GPC5: variants seen among roughly 807,000 people sequenced by gnomAD.
The protein encoded by GPC5 is glypican 5, also known as glypican-5.
GPC5 carries 47 observed loss-of-function variants against 53.9 expected under a neutral mutation model. That is an observed-to-expected ratio of 0.87 (90% CI 0.69 to 1.11). GPC5 has a LOEUF of 1.11. Ranked by LOEUF, GPC5 falls within the 50% of genes most tolerant of loss-of-function variation. The probability of loss-of-function intolerance (pLI) is 0.00; values close to 1 mark genes in which losing one functional copy is unlikely to be tolerated. For missense variants in GPC5, 748 were observed against 713.1 expected (o/e 1.05, Z -0.56); for synonymous variants, 286 against 263.3 (o/e 1.09, Z -0.84).
At chr13:92,183,726 G>T (rs1301927748) in intron 7 of GPC5, among the ~76,000 whole-genome samples, 1 of 151,812 alleles carries the variant, frequency 6.6e-6, no homozygotes, top group African/African-American at 2.4e-5. Flanking sequence ...TCTCAACTTA[G>T]GTCTAATTTT....
At chr13:91,833,925 A>G (rs573837131) in intron 5 of GPC5, among the ~76,000 whole-genome samples, 10 of 152,316 alleles carry the variant, frequency 6.6e-5, no homozygotes, top group Non-Finnish European at 1.5e-4. Flanking sequence ...AATAAAGTGT[A>G]TTCAAATAGG....
intron 5 of GPC5, among the ~76,000 whole-genome samples, chr13:91,793,164 C>A (rs1381358937): frequency 1.3e-5 from 2 of 152,140 alleles, no homozygotes; most frequent in African/African-American, 4.8e-5. Flanking sequence ...AGGAAACTTA[C>A]AATCATGGTG....
chr13:92,294,959 G>C (rs774938192), intron 7 of GPC5, among the ~76,000 whole-genome samples: 15 of 151,428 alleles, frequency 9.9e-5, no homozygotes, highest in Admixed American at 2.6e-4. Context: ...CTCCCGAGTA[G>C]CTGGTATTAC....
intron 2 of GPC5, among the ~76,000 whole-genome samples, chr13:91,556,884 G>A (rs1315093801): frequency 6.6e-6 from 1 of 151,938 alleles, no homozygotes; most frequent in Non-Finnish European, 1.5e-5. Context: ...CTGCTCGGGT[G>A]ATGGGTGCAC....
At chr13:92,262,288 G>A (rs79963228) in intron 7 of GPC5, among the ~76,000 whole-genome samples, 4,200 of 152,256 alleles carry the variant, frequency 0.028, 74 homozygotes, top group Non-Finnish European at 0.045. Context: ...GCAGTGAAAT[G>A]TCAACACAGG....
chr13:91,961,501 A>G, intron 6 of GPC5, among the ~76,000 whole-genome samples: 1 of 151,924 alleles, frequency 6.6e-6, no homozygotes, highest in East Asian at 1.9e-4. Flanking sequence ...ATACGTGTAA[A>G]CTTATGATTT....
Position 91,572,656 on chromosome 13 carries a change from C to T in GPC5, c.326-120531C>T, listed in dbSNP as rs547552987. ...GGGAGGGAGGGCACCAAGCTATTCA[C>T]GAGGGATCTGCCCCCATGACTCAAC... is the stretch of plus-strand genomic sequence containing the variant. On this transcript the variant is annotated intron_variant, in intron 2 of 7. Transcript: ENST00000377067. 4.6e-5 allele frequency among the ~76,000 whole-genome samples: 7 copies of T among 152,106 alleles called. No individual in the cohort carries two copies. In the South Asian group the frequency reaches 1.0e-3, roughly 23 times the overall value.
intron 7 of GPC5, among the ~76,000 whole-genome samples, chr13:92,527,977 A>G (rs1228948957): frequency 1.3e-5 from 2 of 152,162 alleles, no homozygotes; most frequent in African/African-American, 4.8e-5. Flanking sequence ...CCACTATTCC[A>G]ATGTTGATTC....
At chr13:91,891,690 A>T (rs1174786397) in intron 5 of GPC5, among the ~76,000 whole-genome samples, 1 of 152,176 alleles carries the variant, frequency 6.6e-6, no homozygotes, top group Non-Finnish European at 1.5e-5. Context: ...GTAAGAATCA[A>T]CAACGTTTCA....
intron 2 of GPC5, among the ~76,000 whole-genome samples, chr13:91,609,699 C>T (rs1210336507): frequency 6.6e-6 from 1 of 152,224 alleles, no homozygotes; most frequent in African/African-American, 2.4e-5. Context: ...TGAATGGAAT[C>T]TTGTCTGTGC....
At chr13:92,837,720 C>T (rs752550663) in intron 7 of GPC5, among the ~76,000 whole-genome samples, 34 of 152,234 alleles carry the variant, frequency 2.2e-4, no homozygotes, top group Non-Finnish European at 4.3e-4. Context: ...GTAGGAGGAA[C>T]CCTGGATGGT....
intron 6 of GPC5, among the ~76,000 whole-genome samples, chr13:91,999,331 A>C (rs1318907045): frequency 3.9e-5 from 6 of 152,186 alleles, no homozygotes; most frequent in African/African-American, 1.4e-4. Context: ...GAATGTGAGA[A>C]GGTAAAACTA....
At chr13:91,775,162 C>T (rs773154125) in intron 5 of GPC5, among the ~76,000 whole-genome samples, 10 of 152,040 alleles carry the variant, frequency 6.6e-5, no homozygotes, top group Admixed American at 2.0e-4. Flanking sequence ...GAGAGATGAG[C>T]GGAAGAGGTT....
intron 7 of GPC5, among the ~76,000 whole-genome samples, chr13:92,429,051 A>G (rs1448235650): frequency 6.6e-6 from 1 of 152,122 alleles, no homozygotes; most frequent in Non-Finnish European, 1.5e-5. Flanking sequence ...CAACAAATAA[A>G]TCTTACATAA....
At chr13:92,860,639 C>T (rs959603280) in intron 7 of GPC5, among the ~76,000 whole-genome samples, 4 of 152,070 alleles carry the variant, frequency 2.6e-5, no homozygotes, top group African/African-American at 9.7e-5. Flanking sequence ...AAGAATTAGT[C>T]TAGTAACTAG....
chr13:91,669,228 A>T (rs1410432225), intron 2 of GPC5, among the ~76,000 whole-genome samples: 1 of 152,204 alleles, frequency 6.6e-6, no homozygotes, highest in East Asian at 1.9e-4. Context: ...TGGATGGTAT[A>T]GAGTATGTGC....
chr13:92,335,720 T>G lies in GPC5; in HGVS notation c.1561+190731T>G, dbSNP rs920801757. Among the ~76,000 whole-genome samples, 9 of 152,326 alleles carry G rather than the reference T, an allele frequency of 5.9e-5. No individual in the cohort carries two copies. In the South Asian group the frequency reaches 8.3e-4, roughly 14 times the overall value. On this transcript the variant is annotated intron_variant, in intron 7 of 7. Coordinates refer to ENST00000377067, the MANE Select transcript of GPC5 (RefSeq NM_004466.6). ...AGTTCCAAAGATCTCTAGGGCAGGGTTAAAATGCTGCCAGTCTTTTTGCAT... is the reference window on the plus strand; with the variant it reads ...AGTTCCAAAGATCTCTAGGGCAGGGGTAAAATGCTGCCAGTCTTTTTGCAT...
intron 7 of GPC5, among the ~76,000 whole-genome samples, chr13:92,390,746 T>G (rs571552115): frequency 6.6e-6 from 1 of 152,294 alleles, no homozygotes; most frequent in Non-Finnish European, 1.5e-5. Flanking sequence ...AAAGCAATTT[T>G]TCAGAAGATG....
rs186886228 is a variant in GPC5, at chr13:92,667,934, G to A, written c.1562-198348G>A. 1.4e-3 allele frequency among the ~76,000 whole-genome samples: 207 copies of A among 152,168 alleles called. 1 individual carries two copies. Among genetic ancestry groups the A allele is most frequent in the African/African-American group, 2.9e-3 (119 of 41,544 alleles). On this transcript the variant is annotated intron_variant, in intron 7 of 7. Coordinates refer to ENST00000377067, the MANE Select transcript of GPC5 (RefSeq NM_004466.6). ...CAAAAATTGTCAAAAACTAAAATCC[G>A]TCAGGAGTAATGTCTGCTTTGCCTA...
Sources: gnomAD v4.1 joint callset for allele counts (sites outside exome capture counted in the v4.1 genomes callset) on GRCh38, gnomAD v4.1.1 for gene constraint, MANE v1.5 for transcripts, NCBI Gene and HGNC (gene_info 2026-07-23, HGNC 2026-07-21) for gene names.